Variants in CCDC42 observed in about 807,000 individuals in gnomAD.
The protein encoded by CCDC42 is coiled-coil domain containing 42, also known as coiled-coil domain-containing protein 42.
A neutral mutation model predicts 40.8 loss-of-function variants in CCDC42; 38 were observed. The ratio of observed to expected loss-of-function variants is 0.93; its 90% CI spans 0.72 to 1.22. The LOEUF is 1.22. Among genes scored for constraint, CCDC42 ranks in the 50% most tolerant of loss-of-function variants. The pLI is 0.00. For missense variants in CCDC42, 379 were observed against 416.5 expected, an observed-to-expected ratio of 0.91 and a Z score of 0.78; for synonymous variants, 135 against 157.5, an observed-to-expected ratio of 0.86 and a Z score of 1.07.
At chr17:8,744,439 G>T in intron 1 of CCDC42, 88 bp downstream of exon 1, 2 of 1,104,634 alleles carry the variant, frequency 1.8e-6, no homozygotes, top group African/African-American at 1.5e-5. Context: ...AGGAGAGGAG[G>T]GGACAGACGG....
intron 4 of CCDC42, among the ~76,000 whole-genome samples, chr17:8,737,750 T>C (rs58426580): frequency 0.033 from 4,979 of 152,286 alleles, 291 homozygotes; most frequent in African/African-American, 0.11. Context: ...GCATACCAAC[T>C]AAGGGCAGTG....
intron 4 of CCDC42, among the ~76,000 whole-genome samples, chr17:8,738,011 G>GT (rs536331059): frequency 1.7e-5 from 1 of 60,152 alleles, no homozygotes; most frequent in Non-Finnish European, 4.7e-5. Flanking sequence ...TTGCAGATTT[G>GT]GGGGGGGTCT....
Position 8,735,171 on chromosome 17 carries a change from G to C in CCDC42, c.798C>G (p.Leu266=). 1 of 1,614,210 alleles carries C rather than the reference G, an allele frequency of 6.2e-7. No homozygotes were observed. The highest frequency in any genetic ancestry group is 1.1e-5 in the South Asian group (1 of 91,088). ...TCAGGTGCTTGCTCACGATCTGGAAGAGGTTCAGCGTGGCCATCTTAATGG... is the reference window on the plus strand; with the variant it reads ...TCAGGTGCTTGCTCACGATCTGGAACAGGTTCAGCGTGGCCATCTTAATGG... The part of the protein sequence containing the change: ...LGTIKMATLN[L]FQIVSKHLKE... The change falls in exon 6 of 7, where the codon CTC becomes CTG. Residue 266 remains leucine, a synonymous_variant. Coordinates refer to ENST00000293845, the MANE Select transcript of CCDC42 (RefSeq NM_144681.3). This position sits in a 1 kb window ranked among gnomAD's most constrained non-coding sequence, Gnocchi z 4.7.
intron 4 of CCDC42, among the ~76,000 whole-genome samples, chr17:8,739,922 A>G (rs574357260): frequency 1.3e-5 from 2 of 152,274 alleles, no homozygotes; most frequent in East Asian, 3.9e-4. Context: ...CAACTATGAA[A>G]TGAACCACTG....
At position 8,735,746 on chromosome 17, in the gene CCDC42, C is replaced by A. The variant is rs1347098707; in HGVS notation, c.493-135G>T. The A allele has an allele frequency of 1.4e-6, 1 of 690,998 alleles. No homozygotes were observed. Among genetic ancestry groups the A allele is most frequent in the East Asian group, 2.7e-5 (1 of 36,864 alleles). The allele number at this position is 690,998 out of a possible 1,614,324, so 42.8% of individuals were successfully genotyped here. ...GGCAGGCCCTTGGCCAGGGTCACGG[C>A]CAGAGGCTGTGAGGGACACTGGGGT... On this transcript the variant is annotated intron_variant, in intron 4 of 6. Transcript: ENST00000293845. The surrounding 1 kb of genome is among the most constrained non-coding windows in gnomAD (Gnocchi z 4.7).
intron 3 of CCDC42, among the ~76,000 whole-genome samples, chr17:8,742,069 G>A (rs2086649377): frequency 6.6e-6 from 1 of 152,054 alleles, no homozygotes; most frequent in Non-Finnish European, 1.5e-5. Flanking sequence ...AACTCAACCC[G>A]CCGAGAAGAC....
intron 6 of CCDC42, among the ~76,000 whole-genome samples, chr17:8,730,815 A>G (rs1480480452): frequency 3.3e-5 from 5 of 152,158 alleles, no homozygotes; most frequent in Admixed American, 6.6e-5. Flanking sequence ...AGGGATAAGA[A>G]AGAAAGGGTC....
At position 8,735,377 on chromosome 17, in the gene CCDC42, C is replaced by T. The variant is rs372539503; in HGVS notation, c.714+13G>A. 1.4e-4 allele frequency: 224 copies of T among 1,613,302 alleles called. 1 individual carries two copies. The African/African-American group carries it at 2.3e-3, about 16-fold the overall frequency. Reference sequence around the variant, plus strand: ...AGTGCCTGGGAGCCCCCGGCCCGCCCCGGGCCCCTCACCCAGAAGATGACA... The same window carrying T: ...AGTGCCTGGGAGCCCCCGGCCCGCCTCGGGCCCCTCACCCAGAAGATGACA... On this transcript the variant is annotated intron_variant, in intron 5 of 6. Transcript: ENST00000293845. The surrounding 1 kb of genome is among the most constrained non-coding windows in gnomAD (Gnocchi z 4.7).
At chr17:8,742,807 AT>A (rs1327181019) in intron 3 of CCDC42, among the ~76,000 whole-genome samples, 1 of 152,216 alleles carries the variant, frequency 6.6e-6, no homozygotes, top group Non-Finnish European at 1.5e-5. Flanking sequence ...TGGGGTCTGT[AT>A]TTGTAGCAAA....
Position 8,739,230 on chromosome 17 carries a change from C to T in CCDC42, c.492+2244G>A, listed in dbSNP as rs2086628038. ...ATGAGGAAGGGGCAGGGGCTGGATT[C>T]CAGAAATACTTCCAAGGCAGAACAG... On this transcript the variant is annotated intron_variant, in intron 4 of 6. Coordinates refer to ENST00000293845, the MANE Select transcript of CCDC42 (RefSeq NM_144681.3). Among the ~76,000 whole-genome samples, 5 of 152,144 alleles carry T rather than the reference C, an allele frequency of 3.3e-5. No homozygotes were observed. The South Asian group carries it at 1.0e-3, about 32-fold the overall frequency.
intron 2 of CCDC42, 86 bp from the exon 3 acceptor site, chr17:8,743,816 G>A: frequency 1.2e-6 from 1 of 827,754 alleles, no homozygotes; most frequent in Non-Finnish European, 2.0e-6. Flanking sequence ...CTGCCCCAGA[G>A]GCTCCATCCC....
chr17:8,734,972 A>C (rs781370043), intron 6 of CCDC42, 124 bp downstream of exon 6: 2 of 984,998 alleles, frequency 2.0e-6, no homozygotes, highest in Non-Finnish European at 3.0e-6. Flanking sequence ...GGTGATCCTG[A>C]TGTTGTTAAA....
intron 4 of CCDC42, 55 bp downstream of exon 4, chr17:8,741,419 G>T: frequency 6.5e-7 from 1 of 1,541,348 alleles, no homozygotes; most frequent in South Asian, 1.1e-5. Context: ...CCCCGGGGAA[G>T]AGAGGTGGGG....
At chr17:8,737,270 A>G (rs1805035102) in intron 4 of CCDC42, among the ~76,000 whole-genome samples, 1 of 152,208 alleles carries the variant, frequency 6.6e-6, no homozygotes. Flanking sequence ...TACTAGGAAC[A>G]CACCTCTAAA....
intron 3 of CCDC42, 138 bp from the exon 4 acceptor site, chr17:8,741,809 C>T (rs2151140372): frequency 6.4e-6 from 5 of 786,800 alleles, no homozygotes; most frequent in East Asian, 2.7e-5. Context: ...ATTGCTGGGC[C>T]ACCCATGGGG....
intron 6 of CCDC42, among the ~76,000 whole-genome samples, chr17:8,731,429 G>A (rs892536679): frequency 4.6e-5 from 7 of 152,170 alleles, no homozygotes; most frequent in East Asian, 1.9e-4. Context: ...AATATAAATC[G>A]TTCTATCATA....
At position 8,735,450 on chromosome 17, in the gene CCDC42, GT is replaced by G. The variant is rs763542623; in HGVS notation, c.653del (p.Asn218ThrfsTer47). The G allele has an allele frequency of 6.2e-7, 1 of 1,614,072 alleles. No individual in the cohort carries two copies. Among genetic ancestry groups the G allele is most frequent in the Admixed American group, 1.7e-5 (1 of 60,034 alleles). ...GCATCTGCAGCCTTGCCAGCTCATT[GT>G]TTTGCTGCAGGATCTCATCATCCTT... ...EEKDDEILQQ[N>X]NELARLQMRF... On this transcript the variant is annotated frameshift_variant, in exon 5 of 7. Coordinates refer to ENST00000293845, the MANE Select transcript of CCDC42 (RefSeq NM_144681.3). LOFTEE classifies it high-confidence loss of function. The surrounding 1 kb of genome is among the most constrained non-coding windows in gnomAD (Gnocchi z 4.7).
chr17:8,744,211 C>T, intron 1 of CCDC42, 27 bp from the exon 2 acceptor site: 1 of 1,558,978 alleles, frequency 6.4e-7, no homozygotes, highest in African/African-American at 1.4e-5. Flanking sequence ...CGCGAGAGGG[C>T]TGTGTGTTCT....
In CCDC42 at chr17:8,734,066, C is replaced by T. The variant is rs982669788; in HGVS notation, c.873+1030G>A. Among the ~76,000 whole-genome samples the T allele has an allele frequency of 9.9e-5, 15 of 152,230 alleles. No homozygotes were observed. The East Asian group carries it at 1.7e-3, about 18-fold the overall frequency. On this transcript the variant is annotated intron_variant, in intron 6 of 6. Transcript: ENST00000293845. ...TGAACGCAGGAGTGGACATGAGCACCGGCCTGTCCTCTGTTAAACTAGACA... is the reference window on the plus strand; with the variant it reads ...TGAACGCAGGAGTGGACATGAGCACTGGCCTGTCCTCTGTTAAACTAGACA...
Sources: gnomAD v4.1 joint callset for allele counts (sites outside exome capture counted in the v4.1 genomes callset) on GRCh38, gnomAD v4.1.1 for gene constraint, Gnocchi (gnomAD v3.1) non-coding constraint, MANE v1.5 for transcripts, NCBI Gene and HGNC (gene_info 2026-07-23, HGNC 2026-07-21) for gene names.